Variants in SLC1A6 observed in about 807,000 individuals in gnomAD.
The protein encoded by SLC1A6 is excitatory amino acid transporter 4.
In SLC1A6, 15 loss-of-function variants were observed where a neutral mutation model predicts 42.1. The observed-to-expected ratio is 0.36, with a 90% confidence interval of 0.24 to 0.55. The LOEUF is 0.55. Among genes scored for constraint, SLC1A6 ranks in the 20% least tolerant of loss-of-function variants. The probability of loss-of-function intolerance (pLI) is 0.88; values close to 1 mark genes in which losing one functional copy is unlikely to be tolerated. For synonymous variants in SLC1A6, 317 were observed against 319.7 expected (o/e 0.99, Z 0.09); for missense variants, 542 against 772.5 (o/e 0.70, Z 3.54).
At chr19:14,980,659 A>AAAAAAAAC (rs2045761657), upstream of SLC1A6, among the ~76,000 whole-genome samples, 1 of 151,748 alleles carries the variant, frequency 6.6e-6, no homozygotes, top group Non-Finnish European at 1.5e-5. Flanking sequence ...TCCGTCAAAA[A>AAAAAAAAC]AAAAAAAAAA....
In SLC1A6 at chr19:14,979,229, T is replaced by G. The variant is rs1403803092; in HGVS notation, c.-8+80A>C. On this transcript the variant is annotated intron_variant, in intron 1 of 9. Coordinates refer to ENST00000594383, the MANE Select transcript of SLC1A6 (RefSeq NM_005071.3). The surrounding 1 kb of genome is among the most constrained non-coding windows in gnomAD (Gnocchi z 4.2). ...TCGGGCTCGGTGCTGGAAACGTGCC[T>G]GTGTGCGGAGGCCACGGGTTGGGGA... is the stretch of plus-strand genomic sequence containing the variant. The G allele has an allele frequency of 6.6e-6, 1 of 151,048 alleles. No individual in the cohort carries two copies. Among genetic ancestry groups the G allele is most frequent in the East Asian group, 1.9e-4 (1 of 5,140 alleles). 9.4% of individuals were successfully genotyped at this position (151,048 alleles called of 1,614,324 possible). A position where few individuals can be genotyped will look rare whatever the true frequency, so the allele number is the denominator to read the frequency against.
upstream of SLC1A6, among the ~76,000 whole-genome samples, chr19:14,982,966 C>T (rs28572788): frequency 1.7e-3 from 265 of 152,324 alleles, 1 homozygote; most frequent in African/African-American, 6.2e-3. Flanking sequence ...CATTGTTTTA[C>T]ACTTTTTCAA....
At position 14,972,758 on chromosome 19, in the gene SLC1A6, G is replaced by A; in HGVS notation, c.153C>T (p.Arg51=). 2 of 1,614,030 alleles carry A rather than the reference G, an allele frequency of 1.2e-6. No individual in the cohort carries two copies. Among genetic ancestry groups the A allele is most frequent in the Non-Finnish European group, 1.7e-6 (2 of 1,180,038 alleles). ...GAATGAAGGCGTTTCGGCGCAGGAA[G>A]CGCAGCACGTGCTCGAGGGTCATGG... The part of the protein sequence containing the change: ...LQTMTLEHVL[R]FLRRNAFILL... The change falls in exon 2 of 10, where the codon CGC becomes CGT. Residue 51 remains arginine (R), a synonymous_variant. Transcript: ENST00000594383.
chr19:14,993,960 C>G (rs1424859075), intron 1 of SLC1A6, among the ~76,000 whole-genome samples: 1 of 151,862 alleles, frequency 6.6e-6, no homozygotes, highest in Non-Finnish European at 1.5e-5. Flanking sequence ...TGGGTGCAGG[C>G]GGGCTGTGAG....
intron 6 of SLC1A6, among the ~76,000 whole-genome samples, chr19:14,957,529 T>A (rs189936452): frequency 3.6e-4 from 55 of 152,302 alleles, no homozygotes; most frequent in African/African-American, 1.3e-3. Flanking sequence ...ACGCCTTCCA[T>A]GAACCAGAAG....
intron 5 of SLC1A6, among the ~76,000 whole-genome samples, chr19:14,962,650 AT>A (rs1447970162): frequency 2.0e-5 from 3 of 152,206 alleles, no homozygotes; most frequent in African/African-American, 7.2e-5. Flanking sequence ...CACGCCTGTA[AT>A]CCCAGCACTT....
upstream of SLC1A6, among the ~76,000 whole-genome samples, chr19:14,983,062 GTCAC>G (rs2045775649): frequency 1.3e-5 from 2 of 152,270 alleles, no homozygotes; most frequent in East Asian, 1.9e-4. Flanking sequence ...TATTTGCAAA[GTCAC>G]TCACTCACTA....
intron 7 of SLC1A6, 30 bp from the exon 8 acceptor site, chr19:14,954,359 G>GGACGT: frequency 6.3e-7 from 1 of 1,593,596 alleles, no homozygotes; most frequent in Non-Finnish European, 8.5e-7. Flanking sequence ...ACTGAGGATG[G>GGACGT]GGCGTGGCCT....
chr19:14,950,880 G>C (rs981987070), intron 9 of SLC1A6, among the ~76,000 whole-genome samples: 21 of 151,492 alleles, frequency 1.4e-4, no homozygotes, highest in Non-Finnish European at 2.4e-4. Context: ...AGAACGTCAA[G>C]GCTGCAGTGA....
chr19:14,996,528 T>TTCTTCTTCTTCTTC (rs2045846808), intron 1 of SLC1A6, among the ~76,000 whole-genome samples: 1 of 125,854 alleles, frequency 7.9e-6, no homozygotes, highest in African/African-American at 3.1e-5. Context: ...CCTCCTCCTC[T>TTCTTCTTCTTCTTC]TTCTTCTTCT....
upstream of SLC1A6, among the ~76,000 whole-genome samples, chr19:14,983,281 T>G (rs2045776648): frequency 6.6e-6 from 1 of 152,176 alleles, no homozygotes. Flanking sequence ...CTTTTCTAAC[T>G]TTCATGTTTT....
intron 1 of SLC1A6, among the ~76,000 whole-genome samples, chr19:14,975,849 GGGA>G (rs2045701471): frequency 7.7e-6 from 1 of 129,278 alleles, no homozygotes; most frequent in Non-Finnish European, 1.6e-5. Flanking sequence ...AGGGGACAAA[GGGA>G]AGGGAAGGGA....
upstream of SLC1A6, among the ~76,000 whole-genome samples, chr19:14,983,973 C>G (rs543295044): frequency 6.6e-6 from 1 of 152,094 alleles, no homozygotes; most frequent in East Asian, 1.9e-4. Flanking sequence ...TTGTACTTCC[C>G]CCTGGAAGCA....
At chr19:14,951,712 T>C (rs975315390) in intron 9 of SLC1A6, among the ~76,000 whole-genome samples, 6 of 152,128 alleles carry the variant, frequency 3.9e-5, no homozygotes, top group Non-Finnish European at 8.8e-5. Context: ...GAGATGGGGT[T>C]TCACCATGTT....
chr19:15,010,173 A>G (rs555860768), intron 1 of SLC1A6, among the ~76,000 whole-genome samples: 2,893 of 80,720 alleles, frequency 0.036, 29 homozygotes, highest in Admixed American at 0.049. Flanking sequence ...ACGACAGTGC[A>G]AGACTCTATG....
chr19:14,992,334 C>T (rs1191895411), intron 1 of SLC1A6, among the ~76,000 whole-genome samples: 1 of 152,196 alleles, frequency 6.6e-6, no homozygotes, highest in Non-Finnish European at 1.5e-5. Context: ...GTATCTCAAC[C>T]TCACTGTGGC....
chr19:14,986,576 C>T lies in SLC1A6; in HGVS notation c.7-13659G>A, dbSNP rs530947816. Among the ~76,000 whole-genome samples the T allele has an allele frequency of 1.1e-4, 15 of 139,058 alleles. 1 individual carries two copies. The East Asian group carries it at 3.2e-3, about 29-fold the overall frequency. The allele number at this position is 139,058 out of a possible 152,430, so 91.2% of individuals were successfully genotyped here. On this transcript the variant is annotated intron_variant, in intron 1 of 8. Coordinates refer to the SLC1A6 transcript ENST00000430939. ...AATAATTGTATTGCTTTATCAAGTA[C>T]AAGCCTAAATGAAACTGGCTTTTTT...
At chr19:14,972,571 G>C (rs2045653657) in intron 2 of SLC1A6, 135 bp downstream of exon 2, 2 of 683,666 alleles carry the variant, frequency 2.9e-6, no homozygotes, top group Admixed American at 2.6e-5. Context: ...GGGGGGTTGA[G>C]GGTGACTGGT....
intron 1 of SLC1A6, chr19:14,973,747 C>T (rs781581378): frequency 2.1e-4 from 32 of 152,392 alleles, no homozygotes; most frequent in Non-Finnish European, 4.3e-4. Context: ...GGAGGCTAGT[C>T]CCCCAAATTA....
Sources: gnomAD v4.1 joint callset for allele counts (sites outside exome capture counted in the v4.1 genomes callset) on GRCh38, gnomAD v4.1.1 for gene constraint, Gnocchi (gnomAD v3.1) non-coding constraint, MANE v1.5 for transcripts, NCBI Gene and HGNC (gene_info 2026-07-23, HGNC 2026-07-21) for gene names.